KIF21A: variants seen among roughly 807,000 people sequenced by gnomAD.
The protein encoded by KIF21A is kinesin family member 21A.
KIF21A carries 114 observed loss-of-function variants against 202.9 expected under a neutral mutation model. The observed-to-expected ratio is 0.56, with a 90% CI of 0.48 to 0.66. The LOEUF is 0.66. Ranked by LOEUF, KIF21A falls within the 30% of genes least tolerant of loss-of-function variation. KIF21A has a pLI of 0.00. For missense variants in KIF21A, 1,677 were observed against 1,994.9 expected, an observed-to-expected ratio of 0.84 and a Z score of 3.04; for synonymous variants, 667 against 670.8, an observed-to-expected ratio of 0.99 and a Z score of 0.09.
At position 39,392,722 on chromosome 12, in the gene KIF21A, T is replaced by C. The variant is rs539836421; in HGVS notation, c.45-22461A>G. On this transcript the variant is annotated intron_variant, in intron 1 of 37. Transcript: ENST00000361418. ...GAGCATTTGCAGCACTGTGCACTCA[T>C]ATGTTCAAGTGCTGAGAGAATTCAG... Among the ~76,000 whole-genome samples, 5 of 151,330 alleles carry C rather than the reference T, an allele frequency of 3.3e-5. No homozygotes were observed. The South Asian group carries it at 6.3e-4, about 19-fold the overall frequency.
intron 1 of KIF21A, among the ~76,000 whole-genome samples, chr12:39,379,636 G>A (rs1376314355): frequency 2.0e-5 from 3 of 152,170 alleles, no homozygotes; most frequent in Non-Finnish European, 4.4e-5. Flanking sequence ...GCAATGGGAG[G>A]TATCAGTAGG....
chr12:39,337,910 T>A (rs1224351070), intron 16 of KIF21A, among the ~76,000 whole-genome samples: 1 of 152,152 alleles, frequency 6.6e-6, no homozygotes, highest in African/African-American at 2.4e-5. Context: ...TTAAGTATAG[T>A]CCACACAATT....
At chr12:39,416,746 T>C (rs966707085) in intron 1 of KIF21A, among the ~76,000 whole-genome samples, 1 of 140,584 alleles carries the variant, frequency 7.1e-6, no homozygotes, top group Non-Finnish European at 1.5e-5. Flanking sequence ...TGTATATATA[T>C]ATGTACATAT....
intron 37 of KIF21A, among the ~76,000 whole-genome samples, chr12:39,299,962 T>TGGGA (rs992771959): frequency 6.6e-6 from 1 of 150,946 alleles, no homozygotes; most frequent in Non-Finnish European, 1.5e-5. Context: ...GGGTGGAGGG[T>TGGGA]GGGAGGAAGG....
intron 11 of KIF21A, among the ~76,000 whole-genome samples, chr12:39,350,056 CTTTCA>C (rs1460846841): frequency 6.6e-6 from 1 of 151,890 alleles, no homozygotes; most frequent in Non-Finnish European, 1.5e-5. Flanking sequence ...TCTAAGCTAT[CTTTCA>C]TTTCTTATCT....
At chr12:39,346,122 CTGT>C (rs1947869815) in intron 12 of KIF21A, among the ~76,000 whole-genome samples, 2 of 151,888 alleles carry the variant, frequency 1.3e-5, no homozygotes, top group Non-Finnish European at 2.9e-5. Flanking sequence ...CAAAGAATTA[CTGT>C]TGTTTTTTCT....
chr12:39,301,434 G>A (rs919133418), intron 37 of KIF21A, 46 bp downstream of exon 37: 6 of 1,424,672 alleles, frequency 4.2e-6, no homozygotes, highest in Non-Finnish European at 6.0e-6. Flanking sequence ...TATTAAATCT[G>A]AACAGAAGCA....
chr12:39,295,781 A>C (rs990787799), intron 37 of KIF21A, among the ~76,000 whole-genome samples: 6 of 138,570 alleles, frequency 4.3e-5, no homozygotes, highest in African/African-American at 1.3e-4. Context: ...TCCTCTGCGC[A>C]AACTCTGCCT....
chr12:39,395,973 T>TA (rs1381460653), intron 1 of KIF21A, among the ~76,000 whole-genome samples: 1 of 151,870 alleles, frequency 6.6e-6, no homozygotes, highest in Non-Finnish European at 1.5e-5. Context: ...ATTATGCTCT[T>TA]AAAAAATTCC....
intron 23 of KIF21A, among the ~76,000 whole-genome samples, 155 bp from the exon 24 acceptor site, chr12:39,330,417 G>A (rs1197038828): frequency 6.6e-6 from 1 of 152,196 alleles, no homozygotes; most frequent in African/African-American, 2.4e-5. Flanking sequence ...AAGGCAGTGA[G>A]ATACGCAGAG....
chr12:39,299,722 T>C (rs139553481), intron 37 of KIF21A, among the ~76,000 whole-genome samples: 39 of 152,180 alleles, frequency 2.6e-4, no homozygotes, highest in African/African-American at 6.0e-4. Flanking sequence ...CAATGACAGA[T>C]TGGATAAAGA....
intron 10 of KIF21A, among the ~76,000 whole-genome samples, chr12:39,352,676 T>C (rs540918247): frequency 1.6e-4 from 24 of 152,272 alleles, no homozygotes; most frequent in Middle Eastern, 3.4e-3. Flanking sequence ...GAATAATTTG[T>C]CAAATCTGCC....
chr12:39,309,877 A>C (rs1943850986), intron 32 of KIF21A, 111 bp from the exon 33 acceptor site: 5 of 940,238 alleles, frequency 5.3e-6, no homozygotes, highest in Non-Finnish European at 8.1e-6. Context: ...GGAAATGAAA[A>C]TAGTAATTAA....
At chr12:39,342,313 T>A (rs1211597250) in intron 12 of KIF21A, among the ~76,000 whole-genome samples, 189 bp from the exon 13 acceptor site, 1 of 152,190 alleles carries the variant, frequency 6.6e-6, no homozygotes, top group East Asian at 1.9e-4. Context: ...ATCAACAGTG[T>A]AATGATTTAT....
intron 37 of KIF21A, among the ~76,000 whole-genome samples, chr12:39,298,368 G>C (rs1942618928): frequency 6.6e-6 from 1 of 152,182 alleles, no homozygotes; most frequent in Admixed American, 6.5e-5. Context: ...TTGTACATGA[G>C]TAGAGTGCAA....
chr12:39,322,599 T>G, intron 27 of KIF21A, 69 bp downstream of exon 27: 1 of 1,137,170 alleles, frequency 8.8e-7, no homozygotes, highest in South Asian at 1.4e-5. Flanking sequence ...AAATAAGAAA[T>G]TAGCAACATG....
intron 10 of KIF21A, 96 bp from the exon 11 acceptor site, chr12:39,352,076 C>T (rs1437636632): frequency 4.4e-6 from 4 of 911,508 alleles, no homozygotes; most frequent in Non-Finnish European, 7.1e-6. Context: ...CTTAAGTGTA[C>T]AGCTCTGTAG....
rs536734079 is a variant in KIF21A, at chr12:39,374,040, T to C, written c.45-3779A>G. Among the ~76,000 whole-genome samples the C allele has an allele frequency of 8.1e-4, 123 of 152,296 alleles. 3 individuals carry two copies. In the South Asian group the frequency reaches 0.024, roughly 30 times the overall value. ...CAGATTAATTGGAAGCTGACTATAC[T>C]TCAAAGACTAGGGATAGGTTCACCT... On this transcript the variant is annotated intron_variant, in intron 1 of 37. Transcript: ENST00000361418.
intron 11 of KIF21A, among the ~76,000 whole-genome samples, chr12:39,349,599 G>A (rs1948198566): frequency 6.6e-6 from 1 of 151,996 alleles, no homozygotes; most frequent in South Asian, 2.1e-4. Context: ...TTACTAACTT[G>A]TAGGGACTCC....
Sources: gnomAD v4.1 joint callset for allele counts (sites outside exome capture counted in the v4.1 genomes callset) on GRCh38, gnomAD v4.1.1 for gene constraint, MANE v1.5 for transcripts, NCBI Gene and HGNC (gene_info 2026-07-23, HGNC 2026-07-21) for gene names.